Variants in DNAJB6 observed in about 807,000 individuals in gnomAD.
DNAJB6 encodes dnaJ homolog subfamily B member 6.
A neutral mutation model predicts 42.7 loss-of-function variants in DNAJB6; 16 were observed. The ratio of observed to expected loss-of-function variants is 0.37; its 90% CI spans 0.25 to 0.57. DNAJB6 has a LOEUF of 0.57. DNAJB6 is among the 20% of genes least tolerant of loss of function. The pLI, the probability that DNAJB6 is intolerant of heterozygous loss-of-function variation, is 0.74. For synonymous variants in DNAJB6, 170 were observed against 163.5 expected, an observed-to-expected ratio of 1.04 and a Z score of -0.30; for missense variants, 347 against 416.8, an observed-to-expected ratio of 0.83 and a Z score of 1.46.
At chr7:157,346,076 T>C (rs1466887569) in intron 1 of DNAJB6, among the ~76,000 whole-genome samples, 1 of 151,964 alleles carries the variant, frequency 6.6e-6, no homozygotes, top group Non-Finnish European at 1.5e-5. Flanking sequence ...TAATGTGCAT[T>C]GAACACACGG....
chr7:157,384,610 G>C (rs898900872), intron 6 of DNAJB6, among the ~76,000 whole-genome samples: 2 of 152,228 alleles, frequency 1.3e-5, no homozygotes, highest in African/African-American at 4.8e-5. Flanking sequence ...GTCCCGCGAA[G>C]CTCTGCATGA....
intron 8 of DNAJB6, among the ~76,000 whole-genome samples, chr7:157,403,314 A>ATGACTTTGAGTTC (rs1240580988): frequency 3.9e-5 from 6 of 152,104 alleles, no homozygotes; most frequent in Non-Finnish European, 7.4e-5. Context: ...GAGCAGAGGG[A>ATGACTTTGAGTTC]TGACTTTGAG....
In DNAJB6 at chr7:157,416,265, C is replaced by A; in HGVS notation, c.*167C>A. On this transcript the variant is annotated 3_prime_UTR_variant, in exon 10 of 10. Transcript: ENST00000262177. ...GATCAGTCAGAGCAGGGTCAGGAGACGGGGCTGACGGCACGGGTGGCGGGG... is the reference window on the plus strand; with the variant it reads ...GATCAGTCAGAGCAGGGTCAGGAGAAGGGGCTGACGGCACGGGTGGCGGGG... The A allele has an allele frequency of 1.9e-6, 2 of 1,058,334 alleles. No individual in the cohort carries two copies. The highest frequency in any genetic ancestry group is 2.7e-6 in the Non-Finnish European group (2 of 748,210). 65.6% of individuals were successfully genotyped at this position (1,058,334 alleles called of 1,614,324 possible).
chr7:157,338,352 T>C (rs1176068718), intron 1 of DNAJB6, among the ~76,000 whole-genome samples: 3 of 151,738 alleles, frequency 2.0e-5, no homozygotes, highest in South Asian at 2.1e-4. Flanking sequence ...TTTTTTTTCC[T>C]GAGACGGAGT....
chr7:157,371,585 C>T (rs1024764478), intron 5 of DNAJB6, among the ~76,000 whole-genome samples: 1 of 152,256 alleles, frequency 6.6e-6, no homozygotes, highest in Non-Finnish European at 1.5e-5. Flanking sequence ...GGAAGGAATG[C>T]TGCCTCTGAA....
chr7:157,355,890 A>C (rs1470473815), intron 1 of DNAJB6, among the ~76,000 whole-genome samples: 1 of 152,224 alleles, frequency 6.6e-6, no homozygotes, highest in African/African-American at 2.4e-5. Context: ...GGTGAAGTAA[A>C]TCACAGCATT....
At chr7:157,345,856 G>A (rs925778845) in intron 1 of DNAJB6, among the ~76,000 whole-genome samples, 1 of 152,144 alleles carries the variant, frequency 6.6e-6, no homozygotes, top group Non-Finnish European at 1.5e-5. Context: ...TGAGTGATCT[G>A]CTGTAGAAAT....
intron 1 of DNAJB6, among the ~76,000 whole-genome samples, chr7:157,338,658 G>A (rs114301624): frequency 1.9e-4 from 29 of 152,330 alleles, no homozygotes; most frequent in African/African-American, 7.0e-4. Context: ...TTCCACTCCT[G>A]AGGGCCTTAA....
At chr7:157,353,174 C>T (rs902284075) in intron 1 of DNAJB6, among the ~76,000 whole-genome samples, 13 of 150,520 alleles carry the variant, frequency 8.6e-5, no homozygotes, top group Non-Finnish European at 1.2e-4. Context: ...GCAGTTTGTC[C>T]GCCTCGGGCT....
chr7:157,397,233 A>G (rs1801633849), intron 8 of DNAJB6, among the ~76,000 whole-genome samples: 3 of 151,208 alleles, frequency 2.0e-5, no homozygotes, highest in Admixed American at 2.0e-4. Flanking sequence ...CTGAGGTGGT[A>G]ACAACAGCAT....
Position 157,339,281 on chromosome 7 carries a change from C to CTTTTTTT in DNAJB6, c.-27+2161_-27+2167dup, listed in dbSNP as rs34284253. 4.8e-3 allele frequency among the ~76,000 whole-genome samples: 329 copies of CTTTTTTT among 68,296 alleles called. 38 individuals carry two copies. Among genetic ancestry groups the CTTTTTTT allele is most frequent in the Non-Finnish European group, 7.5e-3 (272 of 36,352 alleles). 44.8% of individuals were successfully genotyped at this position (68,296 alleles called of 152,430 possible). A position where few individuals can be genotyped will look rare whatever the true frequency, so the allele number is the denominator to read the frequency against. ...TGGGGGTGGAATGGTCTGTTTGCAC[C>CTTTTTTT]TTTTTTTTTTTTTTTTTTTTTTTTT... On this transcript the variant is annotated intron_variant, in intron 1 of 9. Coordinates refer to ENST00000262177, the MANE Select transcript of DNAJB6 (RefSeq NM_058246.4).
chr7:157,395,988 C>T (rs1215638335), intron 8 of DNAJB6, among the ~76,000 whole-genome samples: 1 of 150,012 alleles, frequency 6.7e-6, no homozygotes, highest in African/African-American at 2.5e-5. Context: ...TACTCTGTCA[C>T]CCAGGCTGGA....
At chr7:157,340,186 TAC>T (rs1400685742) in intron 1 of DNAJB6, 1 of 152,278 alleles carries the variant, frequency 6.6e-6, no homozygotes, top group East Asian at 1.9e-4. Context: ...GCATCGAGGT[TAC>T]ACACTGGATT....
chr7:157,382,753 A>T (rs1160148493), intron 6 of DNAJB6: 1 of 156,528 alleles, frequency 6.4e-6, no homozygotes, highest in Non-Finnish European at 1.4e-5. Context: ...CACAAATAGC[A>T]TCCTAGGAGC....
chr7:157,354,304 C>T (rs765619886), intron 1 of DNAJB6, among the ~76,000 whole-genome samples: 16 of 152,006 alleles, frequency 1.1e-4, no homozygotes, highest in East Asian at 1.9e-4. Flanking sequence ...TGCGCTACCA[C>T]GCCCGGCTAA....
intron 5 of DNAJB6, chr7:157,380,236 A>G (rs1425761425): frequency 6.6e-6 from 1 of 152,230 alleles, no homozygotes; most frequent in African/African-American, 2.4e-5. Context: ...TACGTGAGAT[A>G]GAATACCTAA....
intron 1 of DNAJB6, among the ~76,000 whole-genome samples, chr7:157,351,237 G>A (rs974541760): frequency 3.0e-4 from 45 of 152,006 alleles, no homozygotes; most frequent in African/African-American, 1.0e-3. Flanking sequence ...CACTGTTTTT[G>A]TTCTGAGTCT....
At chr7:157,401,652 CAG>C (rs112785820) in intron 8 of DNAJB6, among the ~76,000 whole-genome samples, 89 of 152,264 alleles carry the variant, frequency 5.8e-4, no homozygotes, top group Middle Eastern at 3.4e-3. Context: ...CAGCTTGTAA[CAG>C]GGGAAGTAAA....
chr7:157,337,981 C>CGAA (rs1373357995), intron 1 of DNAJB6, among the ~76,000 whole-genome samples: 2 of 152,174 alleles, frequency 1.3e-5, no homozygotes, highest in Non-Finnish European at 2.9e-5. Flanking sequence ...GTGCCACCAC[C>CGAA]GAAGGGGTGC....
Sources: gnomAD v4.1 joint callset for allele counts (sites outside exome capture counted in the v4.1 genomes callset) on GRCh38, gnomAD v4.1.1 for gene constraint, MANE v1.5 for transcripts, NCBI Gene and HGNC (gene_info 2026-07-23, HGNC 2026-07-21) for gene names.